Variants in HPS3 observed in about 807,000 individuals in gnomAD.
HPS3 encodes HPS3 biogenesis of lysosomal organelles complex 2 subunit 1.
In HPS3, 79 loss-of-function variants were observed where a neutral mutation model predicts 110.9. The ratio of observed to expected loss-of-function variants is 0.71; its 90% CI spans 0.59 to 0.86. The LOEUF (loss-of-function observed/expected upper bound fraction) is 0.86. Among genes scored for constraint, HPS3 ranks in the 40% least tolerant of loss-of-function variants. The probability of loss-of-function intolerance (pLI) is 0.00; values close to 1 mark genes in which losing one functional copy is unlikely to be tolerated. For missense variants in HPS3, 1,197 were observed against 1,206.2 expected, an observed-to-expected ratio of 0.99 and a Z score of 0.11; for synonymous variants, 428 against 451.0, an observed-to-expected ratio of 0.95 and a Z score of 0.65.
intron 5 of HPS3, among the ~76,000 whole-genome samples, chr3:149,149,644 CTT>C (rs113297187): frequency 6.6e-6 from 1 of 150,816 alleles, no homozygotes; most frequent in African/African-American, 2.4e-5. Flanking sequence ...TTGCTTTAGT[CTT>C]TTTTTTTATT....
chr3:149,130,132 C>T (rs1188439221), intron 1 of HPS3, 192 bp downstream of exon 1: 3 of 609,662 alleles, frequency 4.9e-6, no homozygotes, highest in East Asian at 5.6e-5. Context: ...TCGCGGCAAG[C>T]ATAGGTATGA....
chr3:149,155,239 C>G (rs1723375350), intron 8 of HPS3, 24 bp downstream of exon 8: 7 of 1,203,232 alleles, frequency 5.8e-6, no homozygotes, highest in Non-Finnish European at 8.7e-6. Flanking sequence ...ACTTCTGATT[C>G]TTGTTTGTAG....
At chr3:149,133,016 G>A (rs1341253551) in intron 1 of HPS3, among the ~76,000 whole-genome samples, 1 of 152,222 alleles carries the variant, frequency 6.6e-6, no homozygotes, top group Non-Finnish European at 1.5e-5. Context: ...AATGGGTGAG[G>A]AGTTGCTTCT....
At chr3:149,158,964 T>C (rs1723625801) in intron 10 of HPS3, 118 bp downstream of exon 10, 2 of 724,210 alleles carry the variant, frequency 2.8e-6, no homozygotes, top group Non-Finnish European at 4.6e-6. Context: ...GATACTCTTT[T>C]TCTAAAAAAG....
intron 6 of HPS3, among the ~76,000 whole-genome samples, chr3:149,152,988 C>A (rs1277663485): frequency 1.3e-5 from 2 of 152,236 alleles, no homozygotes; most frequent in Non-Finnish European, 2.9e-5. Context: ...TCGGAACATA[C>A]AAGCATTTCT....
intron 5 of HPS3, among the ~76,000 whole-genome samples, chr3:149,146,478 T>A (rs1043706368): frequency 1.3e-5 from 2 of 152,204 alleles, no homozygotes; most frequent in Non-Finnish European, 2.9e-5. Flanking sequence ...TTGAAAGAGA[T>A]GTGCATTATA....
In HPS3 at chr3:149,140,184, C is replaced by T. The variant is rs140810728; in HGVS notation, c.398C>T (p.Ser133Leu). 258 of 1,614,098 alleles carry T rather than the reference C, an allele frequency of 1.6e-4. 2 individuals are homozygous for T. In the East Asian group the frequency reaches 3.7e-3, roughly 23 times the overall value. ...ATGTACATTATTGAAATGCCGCTTT[C>T]GGAGGCCCCCTTGTGCATTTCCTGT... ...DQMYIIEMPL[S>L]EAPLCISCCP... The change falls in exon 2 of 17, where the codon TCG becomes TTG. Residue 133 changes from serine to leucine, a missense_variant. Coordinates refer to ENST00000296051, the MANE Select transcript of HPS3 (RefSeq NM_032383.5).
chr3:149,158,666 G>C lies in HPS3; in HGVS notation c.1692G>C (p.Arg564Ser). Reference protein sequence around the residue: ...SCGHLGDCYSRLDSQHSHLTL... With the variant: ...SCGHLGDCYSSLDSQHSHLTL... ...AGGTTTTTCATTTCCTTCCCTTTAGGCTTGACTCCCAGCATTCTCATCTCA... is the reference window on the plus strand; with the variant it reads ...AGGTTTTTCATTTCCTTCCCTTTAGCCTTGACTCCCAGCATTCTCATCTCA... The change falls in exon 10 of 17, where the codon AGG becomes AGC. Residue 564 changes from arginine (R) to serine (S), a missense_variant and splice_region_variant. Transcript: ENST00000296051. 1 of 1,613,260 alleles carries C rather than the reference G, an allele frequency of 6.2e-7. No homozygotes were observed. The highest frequency in any genetic ancestry group is 2.2e-5 in the East Asian group (1 of 44,858).
chr3:149,163,448 C>T (rs1020227804), intron 13 of HPS3, among the ~76,000 whole-genome samples: 1 of 152,094 alleles, frequency 6.6e-6, no homozygotes, highest in Non-Finnish European at 1.5e-5. Flanking sequence ...GGAGAAGTTA[C>T]CAGCTTCTTG....
intron 14 of HPS3, chr3:149,165,877 G>A (rs562050532): frequency 5.0e-6 from 2 of 400,340 alleles, no homozygotes; most frequent in South Asian, 3.7e-5. Flanking sequence ...TTTCATCTCT[G>A]CCATCTGATT....
At chr3:149,150,013 C>T (rs1723003859) in intron 5 of HPS3, among the ~76,000 whole-genome samples, 1 of 152,138 alleles carries the variant, frequency 6.6e-6, no homozygotes, top group Non-Finnish European at 1.5e-5. Flanking sequence ...CAGTCATGAA[C>T]CTTTCATGCC....
intron 9 of HPS3, 53 bp from the exon 10 acceptor site, chr3:149,158,613 C>A: frequency 2.0e-6 from 3 of 1,500,360 alleles, no homozygotes; most frequent in Non-Finnish European, 2.8e-6. Flanking sequence ...CATAGTGAGA[C>A]CCCGTCTTTA....
intron 1 of HPS3, among the ~76,000 whole-genome samples, chr3:149,136,157 T>C (rs539924065): frequency 6.6e-6 from 1 of 150,962 alleles, no homozygotes; most frequent in Non-Finnish European, 1.5e-5. Flanking sequence ...TTTCTACATA[T>C]GTGTGTGTGT....
chr3:149,146,780 T>C (rs933154047), intron 5 of HPS3, among the ~76,000 whole-genome samples: 1 of 152,190 alleles, frequency 6.6e-6, no homozygotes, highest in Non-Finnish European at 1.5e-5. Flanking sequence ...CAAAGTGTTG[T>C]GTAGTGATGT....
At chr3:149,154,769 GAA>G (rs1723333977) in intron 7 of HPS3, among the ~76,000 whole-genome samples, 1 of 152,194 alleles carries the variant, frequency 6.6e-6, no homozygotes, top group South Asian at 2.1e-4. Flanking sequence ...GTCAAATGCA[GAA>G]AAGAGCCTGG....
intron 7 of HPS3, 127 bp from the exon 8 acceptor site, chr3:149,154,980 T>A: frequency 1.5e-6 from 1 of 677,850 alleles, no homozygotes; most frequent in Non-Finnish European, 2.7e-6. Flanking sequence ...GAGTGTACAG[T>A]TAATCACTGA....
intron 7 of HPS3, among the ~76,000 whole-genome samples, chr3:149,154,701 C>G (rs1259992368): frequency 6.6e-6 from 1 of 152,198 alleles, no homozygotes; most frequent in East Asian, 1.9e-4. Context: ...ATATTCTCAG[C>G]AGCCATGATG....
intron 15 of HPS3, 48 bp downstream of exon 15, chr3:149,167,288 A>T (rs775542159): frequency 2.1e-6 from 3 of 1,451,566 alleles, no homozygotes; most frequent in Non-Finnish European, 2.9e-6. Flanking sequence ...TGATAATCAG[A>T]TCTGATAACC....
chr3:149,170,528 G>A (rs1367461805), intron 16 of HPS3: 1 of 152,160 alleles, frequency 6.6e-6, no homozygotes, highest in Non-Finnish European at 1.5e-5. Context: ...TTATAAATGA[G>A]GAACCTAGGA....
Sources: gnomAD v4.1 joint callset for allele counts (sites outside exome capture counted in the v4.1 genomes callset) on GRCh38, gnomAD v4.1.1 for gene constraint, MANE v1.5 for transcripts, NCBI Gene and HGNC (gene_info 2026-07-23, HGNC 2026-07-21) for gene names.